The following DIP2B variants were observed in gnomAD, a reference collection of about 807,000 sequenced individuals.
The protein encoded by DIP2B is DIP2 acetate--CoA ligase B (putative), also known as disco-interacting protein 2 homolog B.
A neutral mutation model predicts 198.0 loss-of-function variants in DIP2B; 76 were observed. The ratio of observed to expected loss-of-function variants is 0.38; its 90% CI spans 0.32 to 0.46. The LOEUF is 0.46. DIP2B is among the 20% of genes least tolerant of loss of function. The pLI is 0.99. For synonymous variants in DIP2B, 701 were observed against 739.1 expected, an observed-to-expected ratio of 0.95 and a Z score of 0.84; for missense variants, 1,559 against 1,978.4, an observed-to-expected ratio of 0.79 and a Z score of 4.02.
intron 2 of DIP2B, among the ~76,000 whole-genome samples, chr12:50,626,814 G>A (rs1937945595): frequency 1.3e-5 from 2 of 149,018 alleles, no homozygotes; most frequent in Admixed American, 6.7e-5. Flanking sequence ...ATACCATGAG[G>A]ACTTTGTATC....
rs1232213578 is a variant in DIP2B, at chr12:50,745,958, G to A, written c.*1119G>A. Reference sequence around the variant, plus strand: ...AGGGCAGGGGGTTTAAAACAAGAATGATAGGCCAGGAAGGCAGTGGGGATC... The same window carrying A: ...AGGGCAGGGGGTTTAAAACAAGAATAATAGGCCAGGAAGGCAGTGGGGATC... On this transcript the variant is annotated 3_prime_UTR_variant, in exon 38 of 38. Coordinates refer to ENST00000301180, the MANE Select transcript of DIP2B (RefSeq NM_173602.3). 1 of 152,248 alleles carries A rather than the reference G, an allele frequency of 6.6e-6. No homozygotes were observed. The highest frequency in any genetic ancestry group is 1.5e-5 in the Non-Finnish European group (1 of 68,062). 9.4% of individuals were successfully genotyped at this position (152,248 alleles called of 1,614,324 possible).
At chr12:50,525,891 C>A (rs1958160110) in intron 1 of DIP2B, among the ~76,000 whole-genome samples, 1 of 152,128 alleles carries the variant, frequency 6.6e-6, no homozygotes, top group Admixed American at 6.6e-5. Context: ...AGTTAACCTC[C>A]TTAGAGAACC....
rs184922540 is a variant in DIP2B at position 50,549,589 on chromosome 12, C to T, written c.100+44349C>T. Among the ~76,000 whole-genome samples, 439 of 148,428 alleles carry T rather than the reference C, an allele frequency of 3.0e-3. 1 individual carries two copies. The highest frequency in any genetic ancestry group is 0.027 in the Middle Eastern group (8 of 292). On this transcript the variant is annotated intron_variant, in intron 1 of 37. Coordinates refer to ENST00000301180, the MANE Select transcript of DIP2B (RefSeq NM_173602.3). ...TGGCGTGTGCCTATAGTCCCAGCTA[C>T]TTGGGAGGCTGAGGCAGGAAAATCA...
At chr12:50,649,795 G>A (rs895279609) in intron 3 of DIP2B, among the ~76,000 whole-genome samples, 1 of 152,188 alleles carries the variant, frequency 6.6e-6, no homozygotes, top group African/African-American at 2.4e-5. Context: ...GGTGGAGGCT[G>A]CTGTGAGCCG....
rs544101966 is a variant in DIP2B, at chr12:50,510,722, C to T, written c.100+5482C>T. On this transcript the variant is annotated intron_variant, in intron 1 of 37. Transcript: ENST00000301180. ...GTGTAATGGCACGATCTCAGCTCAC[C>T]GCAACCTCCACCTCCTGGGTTCAAG... Among the ~76,000 whole-genome samples, 21 of 151,728 alleles carry T rather than the reference C, an allele frequency of 1.4e-4. 1 individual carries two copies. Among genetic ancestry groups the T allele is most frequent in the Non-Finnish European group, 2.9e-4 (20 of 67,966 alleles).
intron 1 of DIP2B, among the ~76,000 whole-genome samples, chr12:50,545,258 A>G (rs1029421581): frequency 6.6e-6 from 1 of 152,090 alleles, no homozygotes; most frequent in Non-Finnish European, 1.5e-5. Flanking sequence ...TTGGCAACGT[A>G]TGAGAGTTCC....
At chr12:50,521,260 C>T (rs932625047) in intron 1 of DIP2B, among the ~76,000 whole-genome samples, 9 of 151,574 alleles carry the variant, frequency 5.9e-5, no homozygotes, top group African/African-American at 1.9e-4. Context: ...GCGCACACCC[C>T]CACACCCTGC....
intron 1 of DIP2B, among the ~76,000 whole-genome samples, chr12:50,598,006 A>T (rs1275836421): frequency 6.6e-6 from 1 of 152,192 alleles, no homozygotes; most frequent in African/African-American, 2.4e-5. Flanking sequence ...TAATTCCTTC[A>T]GGTTGGGTCC....
chr12:50,552,072 CTTG>C (rs1958431502), intron 1 of DIP2B, among the ~76,000 whole-genome samples: 1 of 152,232 alleles, frequency 6.6e-6, no homozygotes, highest in Non-Finnish European at 1.5e-5. Flanking sequence ...CTTGTTATTA[CTTG>C]TTGTTTTTTA....
intron 1 of DIP2B, among the ~76,000 whole-genome samples, chr12:50,574,293 C>T (rs1485959980): frequency 1.3e-5 from 2 of 152,222 alleles, no homozygotes; most frequent in African/African-American, 4.8e-5. Flanking sequence ...AATAGCACCT[C>T]TCTTCTCCAC....
intron 19 of DIP2B, among the ~76,000 whole-genome samples, chr12:50,703,390 A>G (rs1939457328): frequency 6.6e-6 from 1 of 152,164 alleles, no homozygotes; most frequent in Admixed American, 6.5e-5. Flanking sequence ...TGGATACGAC[A>G]GTTTTATAGG....
intron 1 of DIP2B, among the ~76,000 whole-genome samples, chr12:50,585,800 CAGAG>C (rs1475189807): frequency 2.0e-5 from 3 of 152,232 alleles, no homozygotes; most frequent in African/African-American, 7.2e-5. Context: ...AGAGAAGACA[CAGAG>C]AGACTCCCCA....
intron 1 of DIP2B, among the ~76,000 whole-genome samples, chr12:50,537,199 G>A (rs1040408052): frequency 2.3e-5 from 3 of 128,120 alleles, no homozygotes; most frequent in East Asian, 2.6e-4. Flanking sequence ...GAGCTCAAGC[G>A]ATCCACCTGC....
chr12:50,621,876 CT>C (rs1286554796), intron 1 of DIP2B, among the ~76,000 whole-genome samples: 4 of 152,320 alleles, frequency 2.6e-5, no homozygotes, highest in African/African-American at 9.6e-5. Context: ...GTTTGTGGAT[CT>C]GATGGAGCTA....
chr12:50,570,345 T>G (rs1958602004), intron 1 of DIP2B, among the ~76,000 whole-genome samples: 1 of 152,196 alleles, frequency 6.6e-6, no homozygotes, highest in Non-Finnish European at 1.5e-5. Flanking sequence ...GATCAGTAAA[T>G]ATTTGAGCAC....
At chr12:50,557,126 T>G (rs116959759) in intron 1 of DIP2B, among the ~76,000 whole-genome samples, 3,890 of 152,278 alleles carry the variant, frequency 0.026, 65 homozygotes, top group Non-Finnish European at 0.043. Context: ...GGATTACAGA[T>G]TTGAGCCACC....
At chr12:50,582,334 G>A (rs1389271105) in intron 1 of DIP2B, among the ~76,000 whole-genome samples, 1 of 151,666 alleles carries the variant, frequency 6.6e-6, no homozygotes, top group Admixed American at 6.6e-5. Context: ...ATTTTTAGTA[G>A]AGACGGGGTT....
chr12:50,663,984 C>T (rs1388229183), intron 4 of DIP2B, among the ~76,000 whole-genome samples: 1 of 151,634 alleles, frequency 6.6e-6, no homozygotes, highest in Non-Finnish European at 1.5e-5. Context: ...TCTTTGTACA[C>T]TGCCTGAGAT....
intron 1 of DIP2B, among the ~76,000 whole-genome samples, chr12:50,598,741 TC>T (rs1565839151): frequency 0.014 from 1 of 70 alleles, no homozygotes; most frequent in Non-Finnish European, 0.021. Context: ...CCCTCCCCCC[TC>T]CCCCCTCCCC....
Sources: gnomAD v4.1 joint callset for allele counts (sites outside exome capture counted in the v4.1 genomes callset) on GRCh38, gnomAD v4.1.1 for gene constraint, MANE v1.5 for transcripts, NCBI Gene and HGNC (gene_info 2026-07-23, HGNC 2026-07-21) for gene names.